The following FSTL5 variants were observed in gnomAD, a reference collection of about 807,000 sequenced individuals.
The protein encoded by FSTL5 is follistatin like 5.
Under a neutral mutation model 89.1 loss-of-function variants are expected in FSTL5, and 62 were observed. The ratio of observed to expected loss-of-function variants is 0.70; its 90% CI spans 0.57 to 0.86. FSTL5 has a LOEUF of 0.86. Among genes scored for constraint, FSTL5 ranks in the 40% least tolerant of loss-of-function variants. The probability of loss-of-function intolerance (pLI) is 0.00; values close to 1 mark genes in which losing one functional copy is unlikely to be tolerated. For missense variants in FSTL5, 1,057 were observed against 1,001.6 expected (o/e 1.06, Z -0.75); for synonymous variants, 383 against 346.2 (o/e 1.11, Z -1.18).
At chr4:162,122,998 G>T (rs1335476995) in intron 1 of FSTL5, among the ~76,000 whole-genome samples, 1 of 151,968 alleles carries the variant, frequency 6.6e-6, no homozygotes, top group East Asian at 1.9e-4. Context: ...AATTAAGGAA[G>T]AATACAGCTC....
chr4:162,081,724 C>A (rs1442506928), intron 2 of FSTL5, among the ~76,000 whole-genome samples: 1 of 151,244 alleles, frequency 6.6e-6, no homozygotes, highest in Admixed American at 6.6e-5. Context: ...ACACCCTGTC[C>A]ATAGATATTG....
intron 11 of FSTL5, among the ~76,000 whole-genome samples, chr4:161,505,056 CA>C (rs1169717063): frequency 1.3e-5 from 2 of 151,976 alleles, no homozygotes; most frequent in Non-Finnish European, 2.9e-5. Flanking sequence ...AAAGGTATTT[CA>C]ATAAATTACG....
At chr4:161,686,346 ATTTTTTTTTTTTT>A (rs1198667810) in intron 6 of FSTL5, among the ~76,000 whole-genome samples, 147 of 12,246 alleles carry the variant, frequency 0.012, 1 homozygote, top group African/African-American at 0.034. Flanking sequence ...ATATATATAT[ATTTTTTTTTTTTT>A]TTTTTTTTTT....
chr4:161,567,810 CTT>C (rs1732870465), intron 8 of FSTL5, among the ~76,000 whole-genome samples: 1 of 140,408 alleles, frequency 7.1e-6, no homozygotes, highest in Admixed American at 7.2e-5. Context: ...ATCTACACGT[CTT>C]TGATTCATGT....
Position 162,033,626 on chromosome 4 carries a change from T to A in FSTL5, c.159A>T (p.Lys53Asn). 5 of 1,474,266 alleles carry A rather than the reference T, an allele frequency of 3.4e-6. No homozygotes were observed. Among genetic ancestry groups the A allele is most frequent in the Non-Finnish European group, 4.7e-6 (5 of 1,074,218 alleles). The allele number at this position is 1,474,266 out of a possible 1,614,324, so 91.3% of individuals were successfully genotyped here. The change falls in exon 3 of 16, where the codon AAA becomes AAT. Residue 53 changes from lysine (K) to asparagine (N), a missense_variant and splice_region_variant. Transcript: ENST00000306100. ...QEKNQESSRV[K>N]GFMIQDGPFG... ...TATCTTAAAGCAATCATTTCTTACC[T>A]TTGACTCTTGAACTTTCTTGATTTT...
At chr4:161,586,050 C>T (rs6813485) in intron 8 of FSTL5, among the ~76,000 whole-genome samples, 41,627 of 152,082 alleles carry the variant, frequency 0.27, 6,181 homozygotes, top group East Asian at 0.55. Flanking sequence ...AATCAGATTA[C>T]CCAATATTTT....
chr4:161,530,770 T>G (rs531207907), intron 10 of FSTL5, among the ~76,000 whole-genome samples: 7 of 152,132 alleles, frequency 4.6e-5, no homozygotes, highest in Non-Finnish European at 1.0e-4. Context: ...CAATCTGTTC[T>G]TAGCACTTAA....
Position 161,829,703 on chromosome 4 carries a change from A to C in FSTL5, c.410-53629T>G, listed in dbSNP as rs567608698. On this transcript the variant is annotated intron_variant, in intron 4 of 15. Transcript: ENST00000306100. ...TGATTACAATAAAAACCACCTTGTT[A>C]TATAGTTAACATCTGTGCTTTCTAA... Among the ~76,000 whole-genome samples the C allele has an allele frequency of 3.9e-5, 6 of 152,238 alleles. No homozygotes were observed. The South Asian group carries it at 1.0e-3, about 26-fold the overall frequency.
intron 1 of FSTL5, among the ~76,000 whole-genome samples, chr4:162,140,023 C>A (rs1461013460): frequency 6.6e-6 from 1 of 151,968 alleles, no homozygotes; most frequent in East Asian, 1.9e-4. Context: ...TCATTGATAT[C>A]TAAAAATATG....
chr4:161,771,227 T>C (rs1741198462), intron 5 of FSTL5, among the ~76,000 whole-genome samples: 2 of 152,082 alleles, frequency 1.3e-5, no homozygotes, highest in African/African-American at 4.8e-5. Flanking sequence ...TTCAAGAATA[T>C]GCCTTCCCTT....
intron 1 of FSTL5, among the ~76,000 whole-genome samples, chr4:162,124,904 C>T (rs1732016848): frequency 6.6e-6 from 1 of 152,144 alleles, no homozygotes; most frequent in Non-Finnish European, 1.5e-5. Flanking sequence ...GGGTTTTCAC[C>T]GTGTTAGCCA....
intron 6 of FSTL5, among the ~76,000 whole-genome samples, chr4:161,754,801 C>T (rs542488833): frequency 6.6e-6 from 1 of 152,172 alleles, no homozygotes; most frequent in Non-Finnish European, 1.5e-5. Flanking sequence ...TGTCTGATGG[C>T]AAATCGCTTA....
intron 7 of FSTL5, among the ~76,000 whole-genome samples, chr4:161,620,459 A>G (rs890184950): frequency 6.6e-6 from 1 of 152,140 alleles, no homozygotes; most frequent in Admixed American, 6.5e-5. Context: ...TTTTGAAACC[A>G]ACCTGACCAC....
At chr4:161,516,724 TACAC>T (rs35139981) in intron 10 of FSTL5, among the ~76,000 whole-genome samples, 18,428 of 127,142 alleles carry the variant, frequency 0.14, 2,300 homozygotes, top group East Asian at 0.29. Flanking sequence ...TATATATATG[TACAC>T]ACACACACAC....
intron 4 of FSTL5, among the ~76,000 whole-genome samples, chr4:161,862,686 C>A (rs1731957241): frequency 6.6e-6 from 1 of 151,944 alleles, no homozygotes; most frequent in East Asian, 1.9e-4. Context: ...GAGCCGAGAC[C>A]CAGCCACTGC....
chr4:161,945,365 TA>T (rs1198727449), intron 3 of FSTL5, among the ~76,000 whole-genome samples: 2 of 152,206 alleles, frequency 1.3e-5, no homozygotes, highest in African/African-American at 4.8e-5. Context: ...TGACGGCACA[TA>T]AGGATTTGAC....
intron 3 of FSTL5, among the ~76,000 whole-genome samples, chr4:161,985,489 A>C (rs1735940216): frequency 6.6e-6 from 1 of 152,030 alleles, no homozygotes; most frequent in South Asian, 2.1e-4. Flanking sequence ...TCTTGACATA[A>C]AGAAATCTGT....
chr4:161,611,524 A>C (rs1312354044), intron 7 of FSTL5, among the ~76,000 whole-genome samples: 1 of 151,966 alleles, frequency 6.6e-6, no homozygotes, highest in African/African-American at 2.4e-5. Flanking sequence ...TTTTAACATC[A>C]ATTCCCAAAT....
At chr4:161,732,939 T>C (rs1294273698) in intron 6 of FSTL5, among the ~76,000 whole-genome samples, 4 of 150,298 alleles carry the variant, frequency 2.7e-5, no homozygotes, top group Non-Finnish European at 4.4e-5. Flanking sequence ...CAGCTTTTCT[T>C]TTTTTTTTAA....
Sources: gnomAD v4.1 joint callset for allele counts (sites outside exome capture counted in the v4.1 genomes callset) on GRCh38, gnomAD v4.1.1 for gene constraint, MANE v1.5 for transcripts, NCBI Gene and HGNC (gene_info 2026-07-23, HGNC 2026-07-21) for gene names.